CCDC125: variants seen among roughly 807,000 people sequenced by gnomAD.
The protein encoded by CCDC125 is coiled-coil domain-containing protein 125.
CCDC125 carries 43 observed loss-of-function variants against 57.4 expected under a neutral mutation model. The observed-to-expected ratio is 0.75, with a 90% CI of 0.59 to 0.97. The LOEUF is 0.97. Among genes scored for constraint, CCDC125 ranks in the 50% least tolerant of loss-of-function variants. CCDC125 has a pLI of 0.00. For missense variants in CCDC125, 563 were observed against 595.7 expected (o/e 0.95, Z 0.57); for synonymous variants, 187 against 195.2 (o/e 0.96, Z 0.35).
chr5:69,279,241 A>G (rs1413237361), downstream of CCDC125, among the ~76,000 whole-genome samples: 2 of 140,382 alleles, frequency 1.4e-5, no homozygotes, highest in Non-Finnish European at 3.0e-5. Context: ...TCTGTCGCCC[A>G]GGCTGGAGTG....
intron 4 of CCDC125, chr5:69,310,018 T>TA (rs1335192643): frequency 6.6e-6 from 1 of 152,202 alleles, no homozygotes; most frequent in Admixed American, 6.6e-5. Context: ...GCTATATACC[T>TA]ACATCCCCAT....
At chr5:69,329,036 G>A (rs755483280) in intron 1 of CCDC125, among the ~76,000 whole-genome samples, 10 of 151,746 alleles carry the variant, frequency 6.6e-5, no homozygotes, top group South Asian at 2.1e-4. Flanking sequence ...CTCATGATCC[G>A]CTGGCCTCGG....
chr5:69,330,381 G>A (rs1761267704), intron 1 of CCDC125, among the ~76,000 whole-genome samples: 1 of 152,042 alleles, frequency 6.6e-6, no homozygotes, highest in South Asian at 2.1e-4. Flanking sequence ...GGATCATGAG[G>A]TCAGGAGTTC....
intron 6 of CCDC125, among the ~76,000 whole-genome samples, chr5:69,305,895 T>C (rs1221778334): frequency 6.6e-6 from 1 of 152,152 alleles, no homozygotes; most frequent in Non-Finnish European, 1.5e-5. Context: ...CTTTGTTCAG[T>C]CCAACAGGGA....
chr5:69,313,662 G>A (rs1400971261), intron 3 of CCDC125: 1 of 749,744 alleles, frequency 1.3e-6, no homozygotes, highest in Non-Finnish European at 2.5e-6. Flanking sequence ...CTTGACAAAG[G>A]TGGCATAGGG....
chr5:69,322,572 T>A (rs1212771293), intron 1 of CCDC125, among the ~76,000 whole-genome samples: 1 of 150,428 alleles, frequency 6.6e-6, no homozygotes, highest in African/African-American at 2.4e-5. Context: ...AAAAAAAAAT[T>A]TTTTTTTTTT....
At chr5:69,288,402 A>C (rs1753853934) in intron 10 of CCDC125, among the ~76,000 whole-genome samples, 1 of 152,174 alleles carries the variant, frequency 6.6e-6, no homozygotes, top group African/African-American at 2.4e-5. Context: ...TGTAATCACC[A>C]ATGGCCAGTG....
chr5:69,315,930 TAAAAAAAAAAAAA>T (rs34485198), intron 2 of CCDC125, among the ~76,000 whole-genome samples: 2 of 118,086 alleles, frequency 1.7e-5, no homozygotes, highest in Admixed American at 1.7e-4. Flanking sequence ...TCAACGGCAG[TAAAAAAAAAAAAA>T]AAAAAAAAAA....
Position 69,280,322 on chromosome 5 carries a change from T to C in CCDC125, c.*2407A>G, listed in dbSNP as rs1752402499. ...TGTCCTCAAACTGATCCTTTGCACA[T>C]GATAATAATAAAAAACACACCTCTA... On this transcript the variant is annotated 3_prime_UTR_variant, in exon 12 of 12. Transcript: ENST00000396496. The C allele has an allele frequency of 6.6e-6, 1 of 152,194 alleles. No homozygotes were observed. The highest frequency in any genetic ancestry group is 2.4e-5 in the African/African-American group (1 of 41,458). The allele number at this position is 152,194 out of a possible 1,614,324, so 9.4% of individuals were successfully genotyped here. A position where few individuals can be genotyped will look rare whatever the true frequency, so the allele number is the denominator to read the frequency against.
At chr5:69,277,655 A>G (rs1752270831), downstream of CCDC125, among the ~76,000 whole-genome samples, 1 of 152,020 alleles carries the variant, frequency 6.6e-6, no homozygotes, top group African/African-American at 2.4e-5. Flanking sequence ...CTGTAGTCCC[A>G]GCTACTCAGG....
chr5:69,287,181 GAATT>G (rs565962980), intron 10 of CCDC125, among the ~76,000 whole-genome samples: 303 of 151,496 alleles, frequency 2.0e-3, no homozygotes, highest in Non-Finnish European at 3.8e-3. Context: ...CTAATAAAAT[GAATT>G]AAAGTCTTGT....
At position 69,294,889 on chromosome 5, in the gene CCDC125, G is replaced by C. The variant is rs374738926; in HGVS notation, c.828C>G (p.Leu276=). Residue 276 remains leucine (L), a synonymous_variant, in exon 9 of 12, where the codon CTC becomes CTG. Coordinates refer to ENST00000396496, the MANE Select transcript of CCDC125 (RefSeq NM_176816.5). ...AEASGLELAV[L]GACLCHGPGG... Reference sequence around the variant, plus strand: ...CGGGCCCATGACAAAGGCAGGCTCCGAGGACCGCAAGCTTTAAATTGAAAA... The same window carrying C: ...CGGGCCCATGACAAAGGCAGGCTCCCAGGACCGCAAGCTTTAAATTGAAAA... The C allele has an allele frequency of 7.4e-6, 12 of 1,613,266 alleles. No individual in the cohort carries two copies. The highest frequency in any genetic ancestry group is 1.3e-5 in the African/African-American group (1 of 74,880).
intron 9 of CCDC125, 77 bp from the exon 10 acceptor site, chr5:69,292,439 C>T (rs2150353276): frequency 9.4e-7 from 1 of 1,058,582 alleles, no homozygotes; most frequent in Non-Finnish European, 1.4e-6. Context: ...ATCAAATTAA[C>T]ATATGCAATC....
At chr5:69,317,997 T>TG (rs1759395561) in intron 2 of CCDC125, among the ~76,000 whole-genome samples, 2 of 147,258 alleles carry the variant, frequency 1.4e-5, no homozygotes, top group Non-Finnish European at 3.0e-5. Context: ...TTTTTTTTTT[T>TG]TTTGAGACTG....
intron 1 of CCDC125, among the ~76,000 whole-genome samples, chr5:69,331,274 C>T (rs1011580063): frequency 5.3e-5 from 8 of 152,000 alleles, no homozygotes; most frequent in African/African-American, 1.9e-4. Context: ...TGTCTGTCAC[C>T]CACGCTGGAG....
intron 1 of CCDC125, among the ~76,000 whole-genome samples, chr5:69,330,847 C>T (rs1403407253): frequency 5.9e-5 from 9 of 152,108 alleles, no homozygotes; most frequent in Admixed American, 5.9e-4. Flanking sequence ...CAAGGCTAGC[C>T]TGATAATTTC....
intron 2 of CCDC125, among the ~76,000 whole-genome samples, chr5:69,317,535 T>C (rs1026603789): frequency 6.6e-6 from 1 of 152,206 alleles, no homozygotes; most frequent in African/African-American, 2.4e-5. Flanking sequence ...ATCACTCTCA[T>C]GTTGTTCTAA....
downstream of CCDC125, among the ~76,000 whole-genome samples, chr5:69,279,334 C>T (rs1372814098): frequency 7.8e-5 from 10 of 127,866 alleles, no homozygotes; most frequent in Non-Finnish European, 1.6e-4. Context: ...GTAGCTGGGA[C>T]TACAGGTGCC....
rs548450859 is a variant in CCDC125 at position 69,311,881 on chromosome 5, G to A, written c.367-677C>T. Among the ~76,000 whole-genome samples the A allele has an allele frequency of 6.7e-3, 1,023 of 152,052 alleles. 7 individuals are homozygous for A. Among genetic ancestry groups the A allele is most frequent in the Non-Finnish European group, 0.012 (791 of 67,970 alleles). ...CCCGAGTAGCTGGGATTGCAGGCAT[G>A]TGCCACTACTGCCCAGCTAATTTTT... On this transcript the variant is annotated intron_variant, in intron 3 of 11. Transcript: ENST00000396496.
Sources: allele counts gnomAD v4.1 joint callset (sites outside exome capture counted in the v4.1 genomes callset), GRCh38; gene constraint gnomAD v4.1.1; transcripts MANE v1.5; gene names NCBI Gene and HGNC (gene_info 2026-07-23, HGNC 2026-07-21).